MECOM: variants seen among roughly 807,000 people sequenced by gnomAD.
MECOM encodes histone-lysine N-methyltransferase MECOM.
Under a neutral mutation model 116.3 loss-of-function variants are expected in MECOM, and 13 were observed. The observed-to-expected ratio is 0.11, with a 90% CI of 0.07 to 0.18. The LOEUF is 0.18. Ranked by LOEUF, MECOM falls within the 10% of genes least tolerant of loss-of-function variation. The pLI is 1.00. For synonymous variants in MECOM, 528 were observed against 535.2 expected (o/e 0.99, Z 0.19); for missense variants, 1,299 against 1,509.0 (o/e 0.86, Z 2.31).
intron 1 of MECOM, among the ~76,000 whole-genome samples, chr3:169,504,114 G>T (rs922747613): frequency 2.0e-5 from 3 of 149,608 alleles, no homozygotes; most frequent in African/African-American, 7.4e-5. Context: ...TCAGGGAAAA[G>T]GTGACTTCTG....
chr3:169,288,955 C>CT (rs931216804), intron 2 of MECOM, among the ~76,000 whole-genome samples: 37 of 152,262 alleles, frequency 2.4e-4, no homozygotes, highest in Admixed American at 2.0e-3. Flanking sequence ...ACTTTATGAA[C>CT]TTTTTTTATG....
chr3:169,152,022 C>A (rs975898916), intron 2 of MECOM, among the ~76,000 whole-genome samples: 9 of 150,636 alleles, frequency 6.0e-5, no homozygotes, highest in African/African-American at 2.2e-4. Context: ...TTAATAATTT[C>A]TGTTTTTTAA....
chr3:169,194,914 ACAACC>A (rs1748216035), intron 2 of MECOM, among the ~76,000 whole-genome samples: 2 of 152,062 alleles, frequency 1.3e-5, no homozygotes, highest in Admixed American at 1.3e-4. Flanking sequence ...GCAGTCAGCC[ACAACC>A]CAGAAAGACA....
At chr3:169,258,161 A>C (rs549022124) in intron 2 of MECOM, among the ~76,000 whole-genome samples, 1 of 152,280 alleles carries the variant, frequency 6.6e-6, no homozygotes, top group East Asian at 1.9e-4. Flanking sequence ...CAGAGGTTGC[A>C]CTGAGCCAAG....
intron 1 of MECOM, among the ~76,000 whole-genome samples, chr3:169,457,661 T>G (rs1414868172): frequency 6.6e-6 from 1 of 152,212 alleles, no homozygotes; most frequent in Non-Finnish European, 1.5e-5. Context: ...ATGGAATCTC[T>G]GATATTCATG....
chr3:169,552,591 C>A (rs1761544236), intron 1 of MECOM, among the ~76,000 whole-genome samples: 1 of 152,058 alleles, frequency 6.6e-6, no homozygotes, highest in Non-Finnish European at 1.5e-5. Context: ...AGTCACACAG[C>A]TAGTTAGTGG....
intron 1 of MECOM, among the ~76,000 whole-genome samples, chr3:169,616,548 G>A (rs936922348): frequency 2.6e-5 from 4 of 152,084 alleles, no homozygotes; most frequent in Non-Finnish European, 5.9e-5. Context: ...CCATGTTGGC[G>A]AGGCTAGTTT....
chr3:169,571,494 T>C (rs547102985), intron 1 of MECOM, among the ~76,000 whole-genome samples: 9 of 152,314 alleles, frequency 5.9e-5, no homozygotes, highest in African/African-American at 2.2e-4. Flanking sequence ...AAAACTACTT[T>C]AAATTTCATG....
At chr3:169,500,778 A>G (rs1754429485) in intron 1 of MECOM, among the ~76,000 whole-genome samples, 1 of 151,976 alleles carries the variant, frequency 6.6e-6, no homozygotes, top group Admixed American at 6.6e-5. Context: ...TTTAGGTTTA[A>G]TTATTCACCT....
intron 2 of MECOM, among the ~76,000 whole-genome samples, chr3:169,249,444 G>T (rs1038806910): frequency 5.3e-5 from 8 of 152,124 alleles, no homozygotes; most frequent in African/African-American, 1.9e-4. Flanking sequence ...AATCTTCCTT[G>T]GCTCCCGGTC....
intron 2 of MECOM, among the ~76,000 whole-genome samples, chr3:169,282,932 C>T (rs969107024): frequency 6.6e-6 from 1 of 151,826 alleles, no homozygotes; most frequent in Non-Finnish European, 1.5e-5. Context: ...GGCATATGGC[C>T]ACCCACTTGA....
At chr3:169,560,642 T>C (rs1762533734) in intron 1 of MECOM, among the ~76,000 whole-genome samples, 1 of 152,066 alleles carries the variant, frequency 6.6e-6, no homozygotes, top group Non-Finnish European at 1.5e-5. Flanking sequence ...ATGACAGAAA[T>C]ACTCAATGAT....
intron 1 of MECOM, among the ~76,000 whole-genome samples, chr3:169,551,575 G>A (rs1434426683): frequency 1.3e-5 from 2 of 152,084 alleles, no homozygotes; most frequent in Non-Finnish European, 2.9e-5. Context: ...ATCAAGCAAG[G>A]TCAAATTAAT....
chr3:169,496,386 C>G (rs768116194), intron 1 of MECOM, among the ~76,000 whole-genome samples: 10 of 152,184 alleles, frequency 6.6e-5, no homozygotes, highest in Non-Finnish European at 1.5e-4. Flanking sequence ...TGTTTGTAAC[C>G]TAAAAGAGGG....
intron 1 of MECOM, among the ~76,000 whole-genome samples, chr3:169,536,681 T>C (rs1759407318): frequency 6.6e-6 from 1 of 152,168 alleles, no homozygotes; most frequent in African/African-American, 2.4e-5. Flanking sequence ...GATATCTAAC[T>C]GGCCACTTGC....
intron 10 of MECOM, among the ~76,000 whole-genome samples, chr3:169,103,952 G>A (rs1185323134): frequency 1.3e-5 from 2 of 152,078 alleles, no homozygotes; most frequent in African/African-American, 2.4e-5. Context: ...AAATTGCAAC[G>A]TACAGGGTAC....
At chr3:169,468,983 G>A (rs546976484) in intron 1 of MECOM, among the ~76,000 whole-genome samples, 1 of 152,298 alleles carries the variant, frequency 6.6e-6, no homozygotes, top group African/African-American at 2.4e-5. Flanking sequence ...ACTGTGATGG[G>A]TGTTAGAATA....
chr3:169,518,346 G>T (rs1318694105), intron 1 of MECOM, among the ~76,000 whole-genome samples: 1 of 152,100 alleles, frequency 6.6e-6, no homozygotes, highest in Admixed American at 6.5e-5. Flanking sequence ...GATTCCTGGG[G>T]GAAGGGGAGC....
At chr3:169,096,303 C>T (rs1721459528) in intron 12 of MECOM, among the ~76,000 whole-genome samples, 1 of 150,996 alleles carries the variant, frequency 6.6e-6, no homozygotes. Flanking sequence ...TGGAGTCTCA[C>T]TCTGTCACCC....
Sources: gnomAD v4.1 joint callset for allele counts (sites outside exome capture counted in the v4.1 genomes callset) on GRCh38, gnomAD v4.1.1 for gene constraint, MANE v1.5 for transcripts, NCBI Gene and HGNC (gene_info 2026-07-23, HGNC 2026-07-21) for gene names.